Variants in RARB observed in about 807,000 individuals in gnomAD.
RARB encodes the protein HBV-activated protein.
Under a neutral mutation model 51.9 loss-of-function variants are expected in RARB, and 17 were observed. That is an observed-to-expected ratio of 0.33 (90% CI 0.22 to 0.49). The LOEUF (loss-of-function observed/expected upper bound fraction) is 0.49. RARB is among the 20% of genes least tolerant of loss of function. The pLI is 0.99. For missense variants in RARB, 369 were observed against 550.8 expected (o/e 0.67, Z 3.30); for synonymous variants, 215 against 195.4 (o/e 1.10, Z -0.84).
intron 2 of RARB, among the ~76,000 whole-genome samples, chr3:24,893,153 T>C (rs969601667): frequency 3.5e-4 from 53 of 152,348 alleles, no homozygotes; most frequent in African/African-American, 1.2e-3. Flanking sequence ...AATTTTACGA[T>C]GGTTTCCCAT....
intron 3 of RARB, among the ~76,000 whole-genome samples, chr3:25,535,031 T>G (rs1033884202): frequency 5.9e-5 from 9 of 152,214 alleles, no homozygotes; most frequent in African/African-American, 2.2e-4. Context: ...ATGTATTGCA[T>G]TAATGATATG....
chr3:25,360,674 G>A (rs1039784096), intron 5 of RARB, among the ~76,000 whole-genome samples: 3 of 152,142 alleles, frequency 2.0e-5, no homozygotes, highest in Non-Finnish European at 4.4e-5. Flanking sequence ...AGGCCTGGTG[G>A]TGACAAAATC....
intron 5 of RARB, among the ~76,000 whole-genome samples, chr3:25,188,876 A>G (rs1470413153): frequency 6.6e-6 from 1 of 152,130 alleles, no homozygotes; most frequent in African/African-American, 2.4e-5. Context: ...TAAAATTGTA[A>G]ATGAGGACAT....
intron 2 of RARB, among the ~76,000 whole-genome samples, chr3:24,919,612 T>A (rs1470554997): frequency 6.6e-6 from 1 of 152,254 alleles, no homozygotes; most frequent in Non-Finnish European, 1.5e-5. Flanking sequence ...GTCTGGAGGC[T>A]GCCCAATTAG....
intron 5 of RARB, among the ~76,000 whole-genome samples, chr3:25,337,500 A>G (rs988718517): frequency 2.0e-5 from 3 of 152,128 alleles, no homozygotes; most frequent in African/African-American, 7.2e-5. Context: ...CATTCATTCT[A>G]CTCAGGACAG....
chr3:25,379,498 T>C (rs1559378224), intron 5 of RARB, among the ~76,000 whole-genome samples: 1 of 152,218 alleles, frequency 6.6e-6, no homozygotes, highest in Non-Finnish European at 1.5e-5. Context: ...TTCTTGAATT[T>C]CCTAGGAAGA....
intron 1 of RARB, among the ~76,000 whole-genome samples, chr3:25,452,114 A>G: frequency 6.6e-6 from 1 of 152,218 alleles, no homozygotes; most frequent in Non-Finnish European, 1.5e-5. Context: ...CAGATCATTA[A>G]TAAGCAGTTA....
At chr3:25,349,742 AT>A (rs558059835) in intron 5 of RARB, among the ~76,000 whole-genome samples, 2 of 152,042 alleles carry the variant, frequency 1.3e-5, no homozygotes, top group African/African-American at 4.8e-5. Context: ...ATTGAAAGTC[AT>A]TTTTTTTCAA....
chr3:24,850,224 G>A (rs1702539386), intron 1 of RARB, among the ~76,000 whole-genome samples: 1 of 152,174 alleles, frequency 6.6e-6, no homozygotes, highest in African/African-American at 2.4e-5. Flanking sequence ...TGGGGGTTAA[G>A]TTTCCACCAC....
intron 2 of RARB, among the ~76,000 whole-genome samples, chr3:25,014,134 G>GCC (rs1330780685): frequency 1.3e-5 from 2 of 152,074 alleles, no homozygotes; most frequent in Non-Finnish European, 2.9e-5. Context: ...TATAACTGAG[G>GCC]CCATTTTGTG....
At chr3:25,288,218 A>G (rs1703702774) in intron 5 of RARB, among the ~76,000 whole-genome samples, 1 of 152,162 alleles carries the variant, frequency 6.6e-6, no homozygotes, top group African/African-American at 2.4e-5. Flanking sequence ...TTTTGTTTGC[A>G]CTGTAGCCTT....
intron 3 of RARB, among the ~76,000 whole-genome samples, chr3:25,568,833 C>T (rs1700596758): frequency 6.6e-6 from 1 of 152,196 alleles, no homozygotes; most frequent in South Asian, 2.1e-4. Flanking sequence ...GTGGCATGGT[C>T]TGTTTCGCCT....
chr3:25,150,364 C>A (rs1423038226), intron 4 of RARB, among the ~76,000 whole-genome samples: 1 of 152,194 alleles, frequency 6.6e-6, no homozygotes, highest in Non-Finnish European at 1.5e-5. Flanking sequence ...CCAGCACTGA[C>A]TCCCAGAGCC....
chr3:25,293,095 C>G (rs181011519), intron 5 of RARB, among the ~76,000 whole-genome samples: 1 of 152,098 alleles, frequency 6.6e-6, no homozygotes, highest in Non-Finnish European at 1.5e-5. Flanking sequence ...TTATTCACAG[C>G]CTGGCTGTGC....
At chr3:25,249,211 G>A (rs573915411) in intron 5 of RARB, among the ~76,000 whole-genome samples, 2 of 152,046 alleles carry the variant, frequency 1.3e-5, no homozygotes, top group African/African-American at 4.8e-5. Context: ...CCTTGATCTA[G>A]TCTGTTATTA....
At chr3:25,378,456 A>G (rs1706528714) in intron 5 of RARB, among the ~76,000 whole-genome samples, 1 of 152,186 alleles carries the variant, frequency 6.6e-6, no homozygotes, top group African/African-American at 2.4e-5. Context: ...CCTACAATGT[A>G]TCATTAATGG....
intron 2 of RARB, among the ~76,000 whole-genome samples, chr3:24,877,909 A>G (rs1326387739): frequency 6.6e-6 from 1 of 152,188 alleles, no homozygotes; most frequent in Non-Finnish European, 1.5e-5. Context: ...TCTTTTCAAA[A>G]TATATCACTT....
At chr3:25,166,066 G>C (rs1023469032) in intron 4 of RARB, among the ~76,000 whole-genome samples, 1 of 151,720 alleles carries the variant, frequency 6.6e-6, no homozygotes, top group Non-Finnish European at 1.5e-5. Flanking sequence ...TCCCTCACTC[G>C]GTGGTCTAAG....
At chr3:25,587,350 G>A (rs1420046927) in intron 5 of RARB, among the ~76,000 whole-genome samples, 2 of 151,906 alleles carry the variant, frequency 1.3e-5, no homozygotes, top group Non-Finnish European at 2.9e-5. Context: ...CTTGAAATGT[G>A]CCTGGTGTGA....
Sources: gnomAD v4.1 joint callset for allele counts (sites outside exome capture counted in the v4.1 genomes callset) on GRCh38, gnomAD v4.1.1 for gene constraint, MANE v1.5 for transcripts, NCBI Gene and HGNC (gene_info 2026-07-23, HGNC 2026-07-21) for gene names.